Variants in DNAH14 observed in about 807,000 individuals in gnomAD.
DNAH14 encodes the protein axonemal beta dynein heavy chain 14.
Under a neutral mutation model 520.9 loss-of-function variants are expected in DNAH14, and 478 were observed. The observed-to-expected ratio is 0.92, with a 90% CI of 0.85 to 0.99. DNAH14 has a LOEUF of 0.99. Among genes scored for constraint, DNAH14 ranks in the 50% least tolerant of loss-of-function variants. DNAH14 has a pLI of 0.00. For synonymous variants in DNAH14, 1,581 were observed against 1,757.2 expected, an observed-to-expected ratio of 0.90 and a Z score of 2.51; for missense variants, 4,831 against 5,234.5, an observed-to-expected ratio of 0.92 and a Z score of 2.38.
At chr1:224,960,454 T>C in intron 4 of DNAH14, 152 bp downstream of exon 4, 1 of 862,084 alleles carries the variant, frequency 1.2e-6, no homozygotes, top group Non-Finnish European at 1.6e-6. Context: ...TACAATGCTT[T>C]TAAAATTCTT....
At chr1:225,304,387 T>C (rs1386220512) in intron 57 of DNAH14, among the ~76,000 whole-genome samples, 1 of 151,860 alleles carries the variant, frequency 6.6e-6, no homozygotes, top group Admixed American at 6.6e-5. Flanking sequence ...TGAGACCCTG[T>C]CTCTACAAAA....
At chr1:225,346,793 A>C (rs1048768763) in intron 71 of DNAH14, 139 bp downstream of exon 71, 3 of 587,412 alleles carry the variant, frequency 5.1e-6, no homozygotes, top group Non-Finnish European at 8.7e-6. Flanking sequence ...ACTGTTACTC[A>C]ATAATTTTTT....
At chr1:225,204,131 T>C in intron 38 of DNAH14, 52 bp from the exon 39 acceptor site, 1 of 954,348 alleles carries the variant, frequency 1.0e-6, no homozygotes, top group Non-Finnish European at 1.5e-6. Context: ...TCCATTGTAG[T>C]TGAAAAGTGT....
At chr1:225,288,140 G>A (rs1312390359) in intron 54 of DNAH14, among the ~76,000 whole-genome samples, 1 of 151,952 alleles carries the variant, frequency 6.6e-6, no homozygotes, top group East Asian at 1.9e-4. Context: ...TACAGGAAGG[G>A]GGAAAAAAGA....
intron 57 of DNAH14, 39 bp from the exon 58 acceptor site, chr1:225,304,869 A>G (rs1364630724): frequency 1.4e-6 from 2 of 1,450,528 alleles, no homozygotes; most frequent in Non-Finnish European, 9.1e-7. Context: ...GTATATTTGG[A>G]TTGCTTTCTC....
chr1:225,097,172 G>A lies in DNAH14; in HGVS notation c.3628G>A (p.Glu1210Lys), dbSNP rs1034157853. The A allele has an allele frequency of 6.4e-7, 1 of 1,550,586 alleles. No homozygotes were observed. The highest frequency in any genetic ancestry group is 1.2e-5 in the South Asian group (1 of 83,976). Reference protein sequence around the residue: ...NLTLFSYTLEEWMNCQRNWLY... With the variant: ...NLTLFSYTLEKWMNCQRNWLY... The stretch of plus-strand genomic sequence containing the variant: ...GACTCTCTTCTCTTACACCCTTGAG[G>A]AATGGATGAATTGTCAAAGAAATTG... The change falls in exon 22 of 86, where the codon GAA becomes AAA. Residue 1210 changes from glutamate to lysine, a missense_variant. By Grantham distance (56) the Glu-to-Lys change is moderately conservative (BLOSUM62 1). Coordinates refer to ENST00000682510, the MANE Select transcript of DNAH14 (RefSeq NM_001367479.1).
chr1:225,266,945 G>GT (rs1359096029), intron 49 of DNAH14, among the ~76,000 whole-genome samples, 176 bp downstream of exon 49: 1 of 152,098 alleles, frequency 6.6e-6, no homozygotes, highest in Non-Finnish European at 1.5e-5. Context: ...TGCAATGTAG[G>GT]TCCATAGGTT....
chr1:225,380,831 CA>C lies in DNAH14; in HGVS notation c.12880+510del, dbSNP rs148367461. 4.3e-4 allele frequency among the ~76,000 whole-genome samples: 66 copies of C among 152,282 alleles called. No individual in the cohort carries two copies. In the East Asian group the frequency reaches 0.011, roughly 26 times the overall value. On this transcript the variant is annotated intron_variant, in intron 80 of 85. Coordinates refer to ENST00000682510, the MANE Select transcript of DNAH14 (RefSeq NM_001367479.1). ...ATTTTCCCAGTTAAATTTTAATACC[CA>C]TATTTTATCCCTTTGCAGAAGTTTA...
chr1:225,348,850 A>G (rs964129375), intron 71 of DNAH14, among the ~76,000 whole-genome samples: 1 of 152,250 alleles, frequency 6.6e-6, no homozygotes, highest in Non-Finnish European at 1.5e-5. Flanking sequence ...AATTTTGGTG[A>G]ATGTAACTTA....
chr1:225,160,337 A>G (rs2081396602), intron 35 of DNAH14, among the ~76,000 whole-genome samples: 1 of 152,220 alleles, frequency 6.6e-6, no homozygotes, highest in Non-Finnish European at 1.5e-5. Context: ...ATTTATTTAG[A>G]AAACAAACCA....
At chr1:225,109,757 G>A (rs1399320944) in intron 23 of DNAH14, among the ~76,000 whole-genome samples, 1 of 152,064 alleles carries the variant, frequency 6.6e-6, no homozygotes, top group Non-Finnish European at 1.5e-5. Flanking sequence ...TAACAGTGGG[G>A]AAACTGGGCA....
chr1:225,244,638 T>C (rs2092167684), intron 43 of DNAH14, among the ~76,000 whole-genome samples: 1 of 152,208 alleles, frequency 6.6e-6, no homozygotes, highest in South Asian at 2.1e-4. Flanking sequence ...TTTATTTGCA[T>C]AGAGGTTTTT....
intron 36 of DNAH14, among the ~76,000 whole-genome samples, chr1:225,177,315 G>A (rs1573752976): frequency 1.3e-5 from 2 of 152,154 alleles, no homozygotes; most frequent in South Asian, 2.1e-4. Flanking sequence ...CTGTTTAAAA[G>A]CATTCCATTT....
intron 81 of DNAH14, among the ~76,000 whole-genome samples, chr1:225,384,352 T>C (rs1176567248): frequency 6.6e-6 from 1 of 152,076 alleles, no homozygotes; most frequent in African/African-American, 2.4e-5. Flanking sequence ...AAGTCTCCCA[T>C]TATTATTGTG....
chr1:225,184,881 C>G (rs2084494300), intron 36 of DNAH14, among the ~76,000 whole-genome samples: 1 of 152,022 alleles, frequency 6.6e-6, no homozygotes, highest in African/African-American at 2.4e-5. Context: ...TCACACCACT[C>G]TTATGCATTA....
intron 37 of DNAH14, among the ~76,000 whole-genome samples, chr1:225,192,212 G>A (rs2085531455): frequency 6.6e-6 from 1 of 152,048 alleles, no homozygotes; most frequent in African/African-American, 2.4e-5. Context: ...GGCTTCCACA[G>A]GTCTGTAATC....
At chr1:225,128,799 G>A (rs2078056751) in intron 27 of DNAH14, among the ~76,000 whole-genome samples, 1 of 151,922 alleles carries the variant, frequency 6.6e-6, no homozygotes, top group East Asian at 1.9e-4. Context: ...TCAACACAGT[G>A]TTGGAAGTTC....
In DNAH14 at chr1:225,079,582, T is replaced by G. The variant is rs528054577; in HGVS notation, c.2766+34T>G. 2.7e-6 allele frequency: 4 copies of G among 1,461,010 alleles called. No homozygotes were observed. In the African/African-American group the frequency reaches 4.4e-5, roughly 16 times the overall value. 90.5% of individuals were successfully genotyped at this position (1,461,010 alleles called of 1,614,324 possible). On this transcript the variant is annotated intron_variant, in intron 18 of 85. Transcript: ENST00000682510. ...TTAGGGTTTTTTTGGATTTTTTTTT[T>G]ATTAAAAACTTGATCTTAGTCTCGT...
intron 1 of DNAH14, among the ~76,000 whole-genome samples, chr1:224,944,981 T>C (rs1278588379): frequency 2.0e-5 from 3 of 152,204 alleles, no homozygotes; most frequent in Non-Finnish European, 2.9e-5. Context: ...TTGGAGTTGC[T>C]CTTCTCGAGG....
Sources: allele counts gnomAD v4.1 joint callset (sites outside exome capture counted in the v4.1 genomes callset), GRCh38; gene constraint gnomAD v4.1.1; transcripts MANE v1.5; gene names NCBI Gene and HGNC (gene_info 2026-07-23, HGNC 2026-07-21).